The following DOP1B variants were observed in gnomAD, a reference collection of about 807,000 sequenced individuals.
DOP1B encodes DOP1 leucine zipper like protein B.
Under a neutral mutation model 233.5 loss-of-function variants are expected in DOP1B, and 174 were observed. The observed-to-expected ratio is 0.75, with a 90% CI of 0.66 to 0.85. DOP1B has a LOEUF of 0.85. Ranked by LOEUF, DOP1B falls within the 40% of genes least tolerant of loss-of-function variation. DOP1B has a pLI of 0.00. For synonymous variants in DOP1B, 1,190 were observed against 1,185.6 expected (o/e 1.00, Z -0.08); for missense variants, 2,652 against 2,846.6 (o/e 0.93, Z 1.56).
In DOP1B at chr21:36,263,588, G is replaced by A; in HGVS notation, c.5358G>A (p.Leu1786=). ...PALQENFSSL[L]GVLKESVQLN... is the part of the protein sequence containing the mutation. Reference sequence around the variant, plus strand: ...TGCAAGAGAACTTTTCTTCACTGTTGGGAGTATTGAAAGAGTCTGTACAGT... The same window carrying A: ...TGCAAGAGAACTTTTCTTCACTGTTAGGAGTATTGAAAGAGTCTGTACAGT... Residue 1786 remains leucine, a synonymous_variant, in exon 25 of 37, where the codon TTG becomes TTA. Coordinates refer to ENST00000691173, the MANE Select transcript of DOP1B (RefSeq NM_001320714.2). 6.2e-7 allele frequency: 1 copy of A among 1,614,128 alleles called. No homozygotes were observed. Among genetic ancestry groups the A allele is most frequent in the Non-Finnish European group, 8.5e-7 (1 of 1,180,040 alleles).
chr21:36,201,968 T>G (rs752420650), intron 4 of DOP1B, among the ~76,000 whole-genome samples: 8 of 151,976 alleles, frequency 5.3e-5, no homozygotes, highest in Non-Finnish European at 1.2e-4. Context: ...GTGGATCACT[T>G]GAGGTCAGGA....
intron 28 of DOP1B, among the ~76,000 whole-genome samples, chr21:36,277,401 G>A (rs907073061): frequency 1.3e-5 from 2 of 151,920 alleles, no homozygotes; most frequent in Non-Finnish European, 2.9e-5. Context: ...CGCTGCCTCA[G>A]CCTCCTGAGT....
chr21:36,237,075 C>T (rs986273112), intron 15 of DOP1B, among the ~76,000 whole-genome samples, 187 bp from the exon 16 acceptor site: 1 of 152,064 alleles, frequency 6.6e-6, no homozygotes, highest in African/African-American at 2.4e-5. Flanking sequence ...CATGAGCCAC[C>T]GCTCCCAGCC....
chr21:36,227,182 T>G (rs903378815), intron 12 of DOP1B, among the ~76,000 whole-genome samples: 1 of 150,694 alleles, frequency 6.6e-6, no homozygotes, highest in African/African-American at 2.4e-5. Flanking sequence ...CACTCCAGCC[T>G]GGGTGACAGA....
intron 2 of DOP1B, among the ~76,000 whole-genome samples, chr21:36,182,031 G>T (rs947623133): frequency 3.3e-5 from 5 of 152,212 alleles, no homozygotes; most frequent in Admixed American, 1.3e-4. Flanking sequence ...AAGCATCACA[G>T]TTCTGCCTTA....
intron 24 of DOP1B, among the ~76,000 whole-genome samples, chr21:36,262,245 A>G (rs540130087): frequency 6.6e-6 from 1 of 152,310 alleles, no homozygotes; most frequent in Non-Finnish European, 1.5e-5. Flanking sequence ...TTGCTGGCGA[A>G]TGTTGAGTGT....
intron 32 of DOP1B, 22 bp downstream of exon 32, chr21:36,281,633 G>GT: frequency 2.0e-6 from 3 of 1,537,406 alleles, no homozygotes; most frequent in East Asian, 2.3e-5. Context: ...GTCTTAGTCT[G>GT]TTTTTTGCTG....
At chr21:36,280,182 C>A in intron 30 of DOP1B, 103 bp from the exon 31 acceptor site, 1 of 837,566 alleles carries the variant, frequency 1.2e-6, no homozygotes, top group Non-Finnish European at 1.8e-6. Flanking sequence ...GCCCAGAAAG[C>A]AGTTTTTAAT....
At chr21:36,234,375 T>G (rs1259620101) in intron 15 of DOP1B, among the ~76,000 whole-genome samples, 2 of 152,178 alleles carry the variant, frequency 1.3e-5, no homozygotes, top group African/African-American at 4.8e-5. Context: ...ATTGAGATCA[T>G]GAATCTTTGG....
Position 36,260,686 on chromosome 21 carries a change from C to G in DOP1B, c.5269C>G (p.Leu1757Val), listed in dbSNP as rs1298280645. ...TTACTTTCATTTTCAGAAATCGCCC[C>G]TAGTGGACATTCCTGTGTTGCAGTT... is the stretch of plus-strand genomic sequence containing the variant. ...QVKGGDEKSP[L>V]VDIPVLQFCY... Residue 1757 changes from leucine to valine, a missense_variant, in exon 24 of 37, where the codon CTA (leucine) becomes GTA (valine). Leu to Val is a conservative substitution (Grantham distance 32, BLOSUM62 1). Transcript: ENST00000691173. The G allele has an allele frequency of 6.2e-7, 1 of 1,614,116 alleles. No individual in the cohort carries two copies. Among genetic ancestry groups the G allele is most frequent in the Non-Finnish European group, 8.5e-7 (1 of 1,180,000 alleles).
chr21:36,257,589 AGATAGAT>A (rs1324778860), intron 23 of DOP1B, among the ~76,000 whole-genome samples: 1 of 148,536 alleles, frequency 6.7e-6, no homozygotes, highest in Non-Finnish European at 1.5e-5. Flanking sequence ...GTTGATACGT[AGATAGAT>A]GATAGATAGA....
intron 18 of DOP1B, among the ~76,000 whole-genome samples, chr21:36,243,422 A>T (rs76299945): frequency 0.027 from 4,112 of 149,944 alleles, 80 homozygotes; most frequent in Non-Finnish European, 0.039. Flanking sequence ...GACTTCTCCT[A>T]AAAAAGACTT....
intron 11 of DOP1B, among the ~76,000 whole-genome samples, 165 bp from the exon 12 acceptor site, chr21:36,225,400 T>C (rs953640873): frequency 6.6e-6 from 1 of 152,056 alleles, no homozygotes; most frequent in Admixed American, 6.6e-5. Flanking sequence ...TGGCTAATTT[T>C]TTTGTACTTT....
chr21:36,166,642 A>G (rs2065913804), intron 2 of DOP1B, among the ~76,000 whole-genome samples: 1 of 152,150 alleles, frequency 6.6e-6, no homozygotes, highest in Non-Finnish European at 1.5e-5. Flanking sequence ...GATAAGCTGT[A>G]CCTGGCTCTG....
intron 27 of DOP1B, among the ~76,000 whole-genome samples, 172 bp downstream of exon 27, chr21:36,270,329 GATAAAGCAA>G (rs1569063319): frequency 3.6e-4 from 55 of 151,954 alleles, no homozygotes; most frequent in African/African-American, 1.3e-3. Context: ...GAGATGGGCA[GATAAAGCAA>G]GGTCAGGAGT....
intron 5 of DOP1B, among the ~76,000 whole-genome samples, 162 bp downstream of exon 5, chr21:36,209,066 C>G (rs2066462918): frequency 6.6e-6 from 1 of 152,200 alleles, no homozygotes; most frequent in Non-Finnish European, 1.5e-5. Flanking sequence ...GAGAAGGAGG[C>G]CTTGTGCAGT....
chr21:36,203,874 C>CTT (rs34151956), intron 4 of DOP1B, among the ~76,000 whole-genome samples: 1 of 141,060 alleles, frequency 7.1e-6, no homozygotes, highest in Non-Finnish European at 1.6e-5. Context: ...GTCAGAAATC[C>CTT]TTTTTTTTTT....
intron 4 of DOP1B, among the ~76,000 whole-genome samples, chr21:36,200,704 A>G (rs570562377): frequency 1.8e-3 from 278 of 152,220 alleles, no homozygotes; most frequent in Non-Finnish European, 2.9e-3. Flanking sequence ...TTAGCCGGGC[A>G]TGGTGGCGGG....
intron 15 of DOP1B, among the ~76,000 whole-genome samples, chr21:36,236,159 C>T (rs1227841807): frequency 2.6e-5 from 4 of 152,270 alleles, no homozygotes; most frequent in South Asian, 4.1e-4. Context: ...ATTTCCCTCC[C>T]GGAAGTGGGG....
Sources: allele counts gnomAD v4.1 joint callset (sites outside exome capture counted in the v4.1 genomes callset), GRCh38; gene constraint gnomAD v4.1.1; transcripts MANE v1.5; gene names NCBI Gene and HGNC (gene_info 2026-07-23, HGNC 2026-07-21).